Variants in TBC1D8 observed in about 807,000 individuals in gnomAD.
TBC1D8 encodes BUB2-like protein 1.
TBC1D8 carries 65 observed loss-of-function variants against 118.8 expected under a neutral mutation model. That is an observed-to-expected ratio of 0.55 (90% CI 0.45 to 0.67). The LOEUF is 0.67. Among genes scored for constraint, TBC1D8 ranks in the 30% least tolerant of loss-of-function variants. The probability of loss-of-function intolerance (pLI) is 0.00; values close to 1 mark genes in which losing one functional copy is unlikely to be tolerated. For missense variants in TBC1D8, 1,376 were observed against 1,471.2 expected (o/e 0.94, Z 1.06); for synonymous variants, 566 against 595.8 (o/e 0.95, Z 0.73).
chr2:101,027,198 G>A (rs896904954), intron 15 of TBC1D8, among the ~76,000 whole-genome samples, 185 bp downstream of exon 15: 19 of 152,164 alleles, frequency 1.2e-4, no homozygotes, highest in African/African-American at 4.1e-4. Context: ...CTAGGGTGGA[G>A]GGTGGGGAGA....
At chr2:101,053,223 G>T (rs922322445) in intron 4 of TBC1D8, among the ~76,000 whole-genome samples, 9 of 152,214 alleles carry the variant, frequency 5.9e-5, no homozygotes, top group Admixed American at 5.2e-4. Context: ...AGAAAGCCAG[G>T]TGTACTTTGA....
Position 101,050,514 on chromosome 2 carries a change from A to C in TBC1D8, c.759T>G (p.Asp253Glu), listed in dbSNP as rs776255052. The C allele has an allele frequency of 5.6e-6, 9 of 1,613,828 alleles. No individual in the cohort carries two copies. In the Admixed American group the frequency reaches 1.5e-4, roughly 27 times the overall value. Residue 253 changes from aspartate (D) to glutamate (E), a missense_variant, in exon 5 of 20, where the codon GAT becomes GAG. By Grantham distance (45) the Asp-to-Glu change is conservative. Coordinates refer to ENST00000409318, the MANE Select transcript of TBC1D8 (RefSeq NM_001330348.2). ...GCTGCTCCATGACCTTAAACACCTC[A>C]TCCAGGTTCAGGAACATGGAGAAGT... ...ERDFSMFLNL[D>E]EVFKVMEQLA...
intron 2 of TBC1D8, among the ~76,000 whole-genome samples, chr2:101,073,443 C>T (rs1573982724): frequency 6.6e-6 from 1 of 151,832 alleles, no homozygotes; most frequent in Non-Finnish European, 1.5e-5. Context: ...TACAGGTGCC[C>T]GCCACCACGC....
chr2:101,090,631 C>A (rs1394524960), intron 1 of TBC1D8, among the ~76,000 whole-genome samples: 1 of 152,216 alleles, frequency 6.6e-6, no homozygotes, highest in Non-Finnish European at 1.5e-5. Context: ...GAACCAGTCG[C>A]CCAGCCTAGC....
intron 1 of TBC1D8, among the ~76,000 whole-genome samples, chr2:101,093,958 A>G (rs1676223983): frequency 6.6e-6 from 1 of 152,074 alleles, no homozygotes; most frequent in African/African-American, 2.4e-5. Context: ...GGCCTCCCAA[A>G]GTGCTGGGAT....
intron 1 of TBC1D8, among the ~76,000 whole-genome samples, chr2:101,098,700 G>A (rs898259927): frequency 3.4e-4 from 51 of 152,130 alleles, no homozygotes; most frequent in African/African-American, 1.2e-3. Context: ...CAGAACTCAG[G>A]ATTAAGAAAC....
chr2:101,070,259 CTTACATAAA>C (rs893381084), intron 2 of TBC1D8, among the ~76,000 whole-genome samples: 4 of 151,824 alleles, frequency 2.6e-5, no homozygotes, highest in Non-Finnish European at 5.9e-5. Flanking sequence ...ACATTCCAAT[CTTACATAAA>C]GTTCATGTTG....
intron 17 of TBC1D8, chr2:101,018,934 G>T: frequency 6.3e-7 from 1 of 1,581,810 alleles, no homozygotes. Context: ...TAATCTTCTG[G>T]AATGCTCTTC....
At chr2:101,083,124 T>C (rs1675373586) in intron 2 of TBC1D8, among the ~76,000 whole-genome samples, 1 of 152,080 alleles carries the variant, frequency 6.6e-6, no homozygotes, top group Middle Eastern at 3.2e-3. Context: ...CTTCACTCTC[T>C]TTATATGAGG....
At position 101,123,291 on chromosome 2, in the gene TBC1D8, T is replaced by C. The variant is rs181578143; in HGVS notation, c.127+27836A>G. Among the ~76,000 whole-genome samples the C allele has an allele frequency of 1.8e-3, 268 of 152,244 alleles. 3 individuals are homozygous for C. The highest frequency in any genetic ancestry group is 4.2e-3 in the East Asian group (22 of 5,178). ...TCATATTGTCAGCCAACAGGGATAA[T>C]TGGACTTGCTCCTTCCCAATGTGGA... On this transcript the variant is annotated intron_variant, in intron 1 of 19. Transcript: ENST00000409318.
In TBC1D8 at chr2:101,050,447, A is replaced by G; in HGVS notation, c.826T>C (p.Phe276Leu). ...TCCTGCAGATCGGGGTCGAGGTCAAAGACCTCATTATCCAGCAGCCTTCGC... is the reference window on the plus strand; with the variant it reads ...TCCTGCAGATCGGGGTCGAGGTCAAGGACCTCATTATCCAGCAGCCTTCGC... ...TLRRLLDNEV[F>L]DLDPDLQEPS... is the part of the protein sequence containing the mutation. Residue 276 changes from phenylalanine (F) to leucine (L), a missense_variant, in exon 5 of 20, where the codon TTT becomes CTT. Physicochemically the swap from Phe to Leu is conservative, Grantham distance 22. Transcript: ENST00000409318. The G allele has an allele frequency of 6.2e-7, 1 of 1,613,864 alleles. No individual in the cohort carries two copies. The highest frequency in any genetic ancestry group is 1.3e-5 in the African/African-American group (1 of 75,040).
intron 1 of TBC1D8, among the ~76,000 whole-genome samples, chr2:101,100,864 C>T (rs775791362): frequency 6.6e-6 from 1 of 152,186 alleles, no homozygotes; most frequent in African/African-American, 2.4e-5. Context: ...GGACCCCTTC[C>T]TTACACCTTA....
intron 2 of TBC1D8, among the ~76,000 whole-genome samples, chr2:101,074,643 T>A (rs1311147341): frequency 6.6e-6 from 1 of 152,242 alleles, no homozygotes; most frequent in Non-Finnish European, 1.5e-5. Context: ...AACAGCAATA[T>A]TGACATTATT....
chr2:101,034,584 C>T (rs895095765), intron 9 of TBC1D8, among the ~76,000 whole-genome samples: 6 of 152,184 alleles, frequency 3.9e-5, no homozygotes, highest in African/African-American at 1.2e-4. Flanking sequence ...GGGATGAATG[C>T]GTCCCTTATG....
chr2:101,028,061 G>A lies in TBC1D8; in HGVS notation c.2438C>T (p.Thr813Ile). The part of the protein sequence containing the change: ...IRVLQGHEDT[T>I]KQNVLRVVIP... ...TCTGCTACCCACCACGTTCTGCTTT[G>A]TGGTGTCCTCGTGGCCTTGGAGGAC... The change falls in exon 14 of 20, where the codon ACA becomes ATA. Residue 813 changes from threonine (T) to isoleucine (I), a missense_variant. By Grantham distance (89) the Thr-to-Ile change is moderately conservative. Transcript: ENST00000409318. The A allele has an allele frequency of 6.2e-7, 1 of 1,614,026 alleles. No individual in the cohort carries two copies. Among genetic ancestry groups the A allele is most frequent in the Non-Finnish European group, 8.5e-7 (1 of 1,179,908 alleles).
At chr2:101,124,940 T>C (rs1678287442) in intron 1 of TBC1D8, among the ~76,000 whole-genome samples, 1 of 152,204 alleles carries the variant, frequency 6.6e-6, no homozygotes, top group South Asian at 2.1e-4. Context: ...CCTTCCCATG[T>C]GCCTTAGAAA....
At chr2:101,065,667 T>C (rs1682974314) in intron 2 of TBC1D8, among the ~76,000 whole-genome samples, 1 of 152,160 alleles carries the variant, frequency 6.6e-6, no homozygotes, top group Non-Finnish European at 1.5e-5. Flanking sequence ...TTTAAGAAAA[T>C]AAGCTTTAAA....
chr2:101,039,343 G>C (rs13426133), intron 6 of TBC1D8, among the ~76,000 whole-genome samples: 195 of 152,322 alleles, frequency 1.3e-3, no homozygotes, highest in African/African-American at 4.0e-3. Flanking sequence ...ATAACATGGA[G>C]TTAGGAGACC....
At chr2:101,133,159 CA>C (rs34693587) in intron 1 of TBC1D8, among the ~76,000 whole-genome samples, 24,380 of 88,252 alleles carry the variant, frequency 0.28, 1,953 homozygotes, top group East Asian at 0.36. Context: ...GACTCCATCT[CA>C]AAAAAAAAAA....
Sources: gnomAD v4.1 joint callset for allele counts (sites outside exome capture counted in the v4.1 genomes callset) on GRCh38, gnomAD v4.1.1 for gene constraint, MANE v1.5 for transcripts, NCBI Gene and HGNC (gene_info 2026-07-23, HGNC 2026-07-21) for gene names.